The following MIER2 variants were observed in gnomAD, a reference collection of about 807,000 sequenced individuals.
The protein encoded by MIER2 is mesoderm induction early response protein 2.
A neutral mutation model predicts 67.6 loss-of-function variants in MIER2; 30 were observed. The observed-to-expected ratio is 0.44, with a 90% CI of 0.33 to 0.60. The LOEUF is 0.60. MIER2 is among the 20% of genes least tolerant of loss of function. The pLI is 0.02. For missense variants in MIER2, 702 were observed against 745.1 expected (o/e 0.94, Z 0.67); for synonymous variants, 372 against 312.6 (o/e 1.19, Z -2.00).
At chr19:314,528 A>C (rs1212263069) in intron 7 of MIER2, among the ~76,000 whole-genome samples, 1 of 152,184 alleles carries the variant, frequency 6.6e-6, no homozygotes, top group Admixed American at 6.5e-5. Context: ...CGCACTGGGG[A>C]AAACAGCTCC....
rs891146380 is a variant in MIER2, at chr19:311,840, C to T, written c.984+5G>A. 17 of 1,613,812 alleles carry T rather than the reference C, an allele frequency of 1.1e-5. No homozygotes were observed. The highest frequency in any genetic ancestry group is 1.3e-5 in the African/African-American group (1 of 74,914). ...CCCGGTGGAGCCTGGCAGTGGAGTC[C>T]GCACCTTGTTGGCCTGGATCAGGTG... On this transcript the variant is annotated splice_donor_5th_base_variant and intron_variant, in intron 10 of 13. Coordinates refer to ENST00000264819, the MANE Select transcript of MIER2 (RefSeq NM_017550.3).
chr19:318,536 C>T (rs1971357246), intron 7 of MIER2, among the ~76,000 whole-genome samples: 1 of 151,990 alleles, frequency 6.6e-6, no homozygotes, highest in South Asian at 2.1e-4. Context: ...GAACAAGCAG[C>T]CAAAAAAATT....
At chr19:313,794 CCTCCTGGGCTTGGTGCTGCTGT>C (rs1442352800) in intron 7 of MIER2, 151 bp from the exon 8 acceptor site, 3 of 1,112,954 alleles carry the variant, frequency 2.7e-6, no homozygotes, top group Non-Finnish European at 3.8e-6. Flanking sequence ...TCCCTGTGCT[CCTCCTGGGCTTGGTGCTGCTGT>C]GCTCAATTCA....
At chr19:311,468 T>G (rs1381387717) in intron 10 of MIER2, among the ~76,000 whole-genome samples, 1 of 152,164 alleles carries the variant, frequency 6.6e-6, no homozygotes, top group Non-Finnish European at 1.5e-5. Context: ...AGGAGACCCC[T>G]GGTCTCCAGG....
At chr19:325,831 C>T (rs543879354) in intron 6 of MIER2, 127 bp from the exon 7 acceptor site, 9 of 982,466 alleles carry the variant, frequency 9.2e-6, no homozygotes, top group Admixed American at 4.0e-5. Flanking sequence ...CCATCTGTGC[C>T]GTCTACCTGC....
chr19:336,770 G>GT (rs1369727652), intron 1 of MIER2, among the ~76,000 whole-genome samples: 2 of 152,072 alleles, frequency 1.3e-5, no homozygotes, highest in Admixed American at 6.5e-5. Flanking sequence ...ATATTTTATG[G>GT]TTTGTCAATT....
At chr19:313,384 C>T (rs913975949) in intron 8 of MIER2, 108 bp downstream of exon 8, 13 of 1,514,068 alleles carry the variant, frequency 8.6e-6, no homozygotes, top group Admixed American at 2.0e-5. Context: ...ACACCTGACC[C>T]CTGCCCTCCC....
At chr19:315,425 G>A (rs933685692) in intron 7 of MIER2, among the ~76,000 whole-genome samples, 5 of 152,222 alleles carry the variant, frequency 3.3e-5, no homozygotes, top group African/African-American at 7.2e-5. Context: ...CACAGCCGAT[G>A]TTAAGAGTCA....
Position 308,416 on chromosome 19 carries a change from G to C in MIER2, c.1198+161C>G, listed in dbSNP as rs1288165465. On this transcript the variant is annotated intron_variant, in intron 12 of 13. Transcript: ENST00000264819. The surrounding 1 kb of genome is among the most constrained non-coding windows in gnomAD (Gnocchi z 9.1). ...CTCTCCCAGCCAGGTGTACAGAGCG[G>C]CATCCACATCACGTGGCTGCCCTCC... Among the ~76,000 whole-genome samples, 1 of 152,140 alleles carries C rather than the reference G, an allele frequency of 6.6e-6. No homozygotes were observed. The highest frequency in any genetic ancestry group is 1.5e-5 in the Non-Finnish European group (1 of 67,994).
intron 7 of MIER2, among the ~76,000 whole-genome samples, chr19:316,385 G>C (rs112519633): frequency 2.0e-5 from 3 of 151,582 alleles, no homozygotes; most frequent in Admixed American, 1.3e-4. Context: ...CTCCATCTCC[G>C]GGGTTCAAGC....
intron 3 of MIER2, chr19:330,492 T>C (rs1259543720): frequency 6.9e-6 from 1 of 145,350 alleles, no homozygotes; most frequent in East Asian, 2.0e-4. Flanking sequence ...GAGCTTGCAG[T>C]GAGCCAAGAT....
At position 306,413 on chromosome 19, in the gene MIER2, G is replaced by C; in HGVS notation, c.*277C>G. ...AACGGCGGGGTCTCTTCTGTCCCCG[G>C]CTGCCCGACGGATCCCACGTGCAGG... On this transcript the variant is annotated 3_prime_UTR_variant, in exon 14 of 14. Coordinates refer to ENST00000264819, the MANE Select transcript of MIER2 (RefSeq NM_017550.3). 2 of 582,294 alleles carry C rather than the reference G, an allele frequency of 3.4e-6. No homozygotes were observed. Among genetic ancestry groups the C allele is most frequent in the South Asian group, 4.1e-5 (2 of 48,210 alleles). 36.1% of individuals were successfully genotyped at this position (582,294 alleles called of 1,614,324 possible). A position where few individuals can be genotyped will look rare whatever the true frequency, so the allele number is the denominator to read the frequency against.
chr19:343,851 G>A (rs535182274), intron 1 of MIER2: 65 of 985,274 alleles, frequency 6.6e-5, no homozygotes, highest in Non-Finnish European at 3.4e-5. Flanking sequence ...CAAGGTGAAA[G>A]CAAGTCCACA....
At position 333,198 on chromosome 19, in the gene MIER2, A is replaced by G. The variant is rs71335231; in HGVS notation, c.243+1202T>C. ...TTTTTAGTAGAGACGGGGTTTCACC[A>G]TGTTGGCCAGCCTGATCTAGAACTC... On this transcript the variant is annotated intron_variant, in intron 3 of 13. Transcript: ENST00000264819. 9.7e-4 allele frequency among the ~76,000 whole-genome samples: 97 copies of G among 100,384 alleles called. 34 individuals carry two copies. The highest frequency in any genetic ancestry group is 4.3e-3 in the African/African-American group (87 of 20,312). 65.9% of individuals were successfully genotyped at this position (100,384 alleles called of 152,430 possible). A position where few individuals can be genotyped will look rare whatever the true frequency, so the allele number is the denominator to read the frequency against.
At chr19:315,385 G>A (rs1971195117) in intron 7 of MIER2, among the ~76,000 whole-genome samples, 3 of 152,146 alleles carry the variant, frequency 2.0e-5, no homozygotes, top group African/African-American at 7.2e-5. Context: ...AACAAAACAA[G>A]AACACATCAG....
In MIER2 at chr19:336,187, G is replaced by A. The variant is rs374212769; in HGVS notation, c.10-14C>T. On this transcript the variant is annotated splice_polypyrimidine_tract_variant and intron_variant, in intron 1 of 13. Coordinates refer to ENST00000264819, the MANE Select transcript of MIER2 (RefSeq NM_017550.3). ...CAGCGAGGAGGCCTGCGAAGGAAGA[G>A]AGGCAGGGTTAGCTCGGCCGGCCCA... is the stretch of plus-strand genomic sequence containing the variant. The A allele has an allele frequency of 6.8e-6, 11 of 1,610,308 alleles. No homozygotes were observed. Among genetic ancestry groups the A allele is most frequent in the African/African-American group, 4.0e-5 (3 of 74,884 alleles).
chr19:337,870 C>CAAAA lies in MIER2; in HGVS notation c.10-1701_10-1698dup, dbSNP rs34553732. Among the ~76,000 whole-genome samples the CAAAA allele has an allele frequency of 1.3e-3, 49 of 37,074 alleles. 3 individuals carry two copies. Among genetic ancestry groups the CAAAA allele is most frequent in the African/African-American group, 4.8e-3 (28 of 5,836 alleles). The allele number at this position is 37,074 out of a possible 152,430, so 24.3% of individuals were successfully genotyped here. On this transcript the variant is annotated intron_variant, in intron 1 of 13. Coordinates refer to ENST00000264819, the MANE Select transcript of MIER2 (RefSeq NM_017550.3). ...GGCAACAGAGCAAGACTCCATCTCACAAAAAAAAAAAAAAAAAAAAAGGCT... is the reference window on the plus strand; with the variant it reads ...GGCAACAGAGCAAGACTCCATCTCACAAAAAAAAAAAAAAAAAAAAAAAAAGGCT...
chr19:342,142 AG>A (rs1972533469), intron 1 of MIER2, among the ~76,000 whole-genome samples: 1 of 152,136 alleles, frequency 6.6e-6, no homozygotes, highest in Non-Finnish European at 1.5e-5. Context: ...CTCAAGTGCC[AG>A]GCGCTTGTTG....
chr19:339,365 T>C (rs1027734127), intron 1 of MIER2, among the ~76,000 whole-genome samples: 1 of 152,068 alleles, frequency 6.6e-6, no homozygotes, highest in Non-Finnish European at 1.5e-5. Flanking sequence ...CTCAATGTAA[T>C]ATCAGGCAAA....
Sources: gnomAD v4.1 joint callset for allele counts (sites outside exome capture counted in the v4.1 genomes callset) on GRCh38, gnomAD v4.1.1 for gene constraint, Gnocchi (gnomAD v3.1) non-coding constraint, MANE v1.5 for transcripts, NCBI Gene and HGNC (gene_info 2026-07-23, HGNC 2026-07-21) for gene names.